Variants in PTPRT observed in about 807,000 individuals in gnomAD.
PTPRT encodes protein tyrosine phosphatase receptor type T, also known as receptor-type tyrosine-protein phosphatase T.
Under a neutral mutation model 176.8 loss-of-function variants are expected in PTPRT, and 56 were observed. The observed-to-expected ratio is 0.32, with a 90% CI of 0.26 to 0.40. The LOEUF (loss-of-function observed/expected upper bound fraction) is 0.40. Among genes scored for constraint, PTPRT ranks in the 10% least tolerant of loss-of-function variants. The pLI is 1.00. For synonymous variants in PTPRT, 783 were observed against 739.0 expected (o/e 1.06, Z -0.96); for missense variants, 1,540 against 1,908.2 (o/e 0.81, Z 3.60).
At chr20:43,102,284 T>A (rs926388430) in intron 1 of PTPRT, among the ~76,000 whole-genome samples, 3 of 140,552 alleles carry the variant, frequency 2.1e-5, no homozygotes, top group South Asian at 4.7e-4. Flanking sequence ...CACTCACACA[T>A]CACACACACA....
intron 16 of PTPRT, among the ~76,000 whole-genome samples, chr20:42,192,784 A>C (rs940167999): frequency 6.6e-6 from 1 of 152,158 alleles, no homozygotes; most frequent in Admixed American, 6.5e-5. Context: ...CTCTCTCTCT[A>C]TAACTACCCA....
chr20:42,738,573 C>A (rs1472848527), intron 6 of PTPRT, among the ~76,000 whole-genome samples: 1 of 152,004 alleles, frequency 6.6e-6, no homozygotes, highest in Admixed American at 6.6e-5. Flanking sequence ...GCTCATTTTT[C>A]TTCTCCCCTC....
intron 27 of PTPRT, among the ~76,000 whole-genome samples, chr20:42,094,218 G>C (rs1984954744): frequency 6.6e-6 from 1 of 152,180 alleles, no homozygotes; most frequent in Non-Finnish European, 1.5e-5. Context: ...GGGTTTTGCA[G>C]GCCAGACTTC....
chr20:42,463,559 A>T (rs181240367), intron 8 of PTPRT, among the ~76,000 whole-genome samples: 1 of 152,324 alleles, frequency 6.6e-6, no homozygotes, highest in Admixed American at 6.5e-5. Context: ...AAAGGAGGAC[A>T]GAGTGTTATC....
At position 42,794,569 on chromosome 20, in the gene PTPRT, A is replaced by G. The variant is rs183502964; in HGVS notation, c.215-3103T>C. Among the ~76,000 whole-genome samples the G allele has an allele frequency of 3.1e-3, 473 of 152,352 alleles. 4 individuals are homozygous for G. The highest frequency in any genetic ancestry group is 5.2e-3 in the Non-Finnish European group (352 of 68,020). On this transcript the variant is annotated intron_variant, in intron 2 of 30. Coordinates refer to ENST00000373187, the MANE Select transcript of PTPRT (RefSeq NM_007050.6). ...AGAGCCTAGGAGAGGGCAGTGCACC[A>G]TAAAAGAAGCCAGGTTCCCTGAATG...
chr20:42,764,124 T>C (rs1403360400), intron 5 of PTPRT, among the ~76,000 whole-genome samples: 2 of 152,128 alleles, frequency 1.3e-5, no homozygotes, highest in Non-Finnish European at 2.9e-5. Context: ...AAGTGGGCAG[T>C]AAGATTTTTG....
chr20:42,468,214 C>T (rs1374140043), intron 8 of PTPRT, among the ~76,000 whole-genome samples: 1 of 152,192 alleles, frequency 6.6e-6, no homozygotes, highest in African/African-American at 2.4e-5. Flanking sequence ...GCACGGATGA[C>T]AGCAGCATGA....
At chr20:42,225,636 T>A (rs1196826079) in intron 15 of PTPRT, among the ~76,000 whole-genome samples, 1 of 152,194 alleles carries the variant, frequency 6.6e-6, no homozygotes, top group Non-Finnish European at 1.5e-5. Flanking sequence ...AGGAGAAAAG[T>A]GAATGAATGT....
chr20:42,385,467 A>G (rs998538667), intron 9 of PTPRT, among the ~76,000 whole-genome samples: 2 of 152,152 alleles, frequency 1.3e-5, no homozygotes, highest in African/African-American at 4.8e-5. Flanking sequence ...GGAGGACATG[A>G]TTTGCTGTTC....
At chr20:42,178,712 C>T (rs989867636) in intron 16 of PTPRT, among the ~76,000 whole-genome samples, 1 of 152,160 alleles carries the variant, frequency 6.6e-6, no homozygotes, top group Admixed American at 6.5e-5. Flanking sequence ...GTAATGATCT[C>T]ATCTGAAGAC....
chr20:43,083,337 T>TGTATATAC (rs1568773961), intron 1 of PTPRT, among the ~76,000 whole-genome samples: 1,179 of 105,506 alleles, frequency 0.011, 25 homozygotes, highest in South Asian at 0.017. Flanking sequence ...TATATATATA[T>TGTATATAC]ATATATATAT....
At position 42,106,813 on chromosome 20, in the gene PTPRT, G is replaced by T. The variant is rs771747795; in HGVS notation, c.3363C>A (p.Ala1121=). The change falls in exon 24 of 31, where the codon GCC becomes GCA. Residue 1121 remains alanine, a synonymous_variant. Transcript: ENST00000373187. ...DIFNCVRELR[A]QRVNLVQTEE... is the part of the protein sequence containing the mutation. Reference sequence around the variant, plus strand: ...CTGTCTGTACCAGGTTGACCCTTTGGGCCCGGAGCTCACGCACGCAGTTGA... The same window carrying T: ...CTGTCTGTACCAGGTTGACCCTTTGTGCCCGGAGCTCACGCACGCAGTTGA... The T allele has an allele frequency of 8.1e-6, 13 of 1,613,920 alleles. No homozygotes were observed. The highest frequency in any genetic ancestry group is 5.0e-5 in the Admixed American group (3 of 59,988).
chr20:42,323,615 G>A (rs2057838033), intron 11 of PTPRT, among the ~76,000 whole-genome samples: 1 of 151,996 alleles, frequency 6.6e-6, no homozygotes, highest in Non-Finnish European at 1.5e-5. Context: ...CTGTTGTGGG[G>A]TAGGGGGAGA....
At chr20:42,841,885 CA>C (rs1293196488) in intron 2 of PTPRT, among the ~76,000 whole-genome samples, 2 of 152,214 alleles carry the variant, frequency 1.3e-5, no homozygotes, top group African/African-American at 4.8e-5. Flanking sequence ...CTCCTTAAAA[CA>C]CTGCAATTTG....
chr20:42,691,142 G>A (rs1285887028), intron 6 of PTPRT, among the ~76,000 whole-genome samples: 1 of 152,208 alleles, frequency 6.6e-6, no homozygotes, highest in Non-Finnish European at 1.5e-5. Flanking sequence ...GCATGTGGTA[G>A]CCACTAATCT....
chr20:43,146,408 AG>A (rs1160621687), intron 1 of PTPRT, among the ~76,000 whole-genome samples: 2 of 152,188 alleles, frequency 1.3e-5, no homozygotes, highest in East Asian at 3.8e-4. Flanking sequence ...ATGTTCAAGG[AG>A]GCCATATGTG....
intron 16 of PTPRT, among the ~76,000 whole-genome samples, chr20:42,198,172 G>T (rs1485518938): frequency 1.3e-5 from 2 of 152,196 alleles, no homozygotes; most frequent in Admixed American, 6.5e-5. Context: ...TTAAAAACAA[G>T]CTGTGTGGCT....
intron 11 of PTPRT, among the ~76,000 whole-genome samples, chr20:42,346,405 G>C (rs1484189920): frequency 6.6e-6 from 1 of 152,170 alleles, no homozygotes; most frequent in African/African-American, 2.4e-5. Context: ...AGAAGGCTCG[G>C]CATGTTCAAG....
intron 27 of PTPRT, among the ~76,000 whole-genome samples, chr20:42,095,119 T>C (rs1271941369): frequency 4.6e-5 from 7 of 152,322 alleles, no homozygotes; most frequent in African/African-American, 1.7e-4. Flanking sequence ...TCAACCAACC[T>C]CACCTGCCAC....
Sources: allele counts gnomAD v4.1 joint callset (sites outside exome capture counted in the v4.1 genomes callset), GRCh38; gene constraint gnomAD v4.1.1; transcripts MANE v1.5; gene names NCBI Gene and HGNC (gene_info 2026-07-23, HGNC 2026-07-21).